SPATS2: variants seen among roughly 807,000 people sequenced by gnomAD.
SPATS2 encodes spermatogenesis-associated serine-rich protein 2.
Under a neutral mutation model 63.7 loss-of-function variants are expected in SPATS2, and 38 were observed. That is an observed-to-expected ratio of 0.60 (90% CI 0.46 to 0.78). The LOEUF (loss-of-function observed/expected upper bound fraction) is 0.78, where lower values mean the gene tolerates loss of function less well. SPATS2 is among the 30% of genes least tolerant of loss of function. SPATS2 has a pLI of 0.00. For synonymous variants in SPATS2, 207 were observed against 232.9 expected (o/e 0.89, Z 1.01); for missense variants, 588 against 666.2 (o/e 0.88, Z 1.29).
In SPATS2 at chr12:49,495,078, A is replaced by G. The variant is rs554486715; in HGVS notation, c.526+76A>G. On this transcript the variant is annotated intron_variant, in intron 7 of 13. Transcript: ENST00000552918. ...GTTCTCCTCGTTGAGAAAGTGATCAATTAAATCTAGTTAGTCTTTTTTTAT... is the reference window on the plus strand; with the variant it reads ...GTTCTCCTCGTTGAGAAAGTGATCAGTTAAATCTAGTTAGTCTTTTTTTAT... The G allele has an allele frequency of 2.5e-5, 35 of 1,396,254 alleles. No individual in the cohort carries two copies. The African/African-American group carries it at 3.4e-4, about 13-fold the overall frequency. The allele number at this position is 1,396,254 out of a possible 1,614,324, so 86.5% of individuals were successfully genotyped here.
At chr12:49,448,143 T>TC (rs200026114) in intron 2 of SPATS2, among the ~76,000 whole-genome samples, 6 of 149,056 alleles carry the variant, frequency 4.0e-5, no homozygotes, top group African/African-American at 9.7e-5. Context: ...TTTCTTTCTT[T>TC]TTTTTTTTTT....
At chr12:49,392,940 T>C (rs555082461) in intron 2 of SPATS2, among the ~76,000 whole-genome samples, 4 of 152,080 alleles carry the variant, frequency 2.6e-5, no homozygotes, top group Admixed American at 2.6e-4. Flanking sequence ...TAATCCCAGC[T>C]ACTTGGGAGG....
chr12:49,514,557 TAATGG>T lies in SPATS2; in HGVS notation c.844_848del (p.Met282SerfsTer8). 6.2e-7 allele frequency: 1 copy of T among 1,613,096 alleles called. No homozygotes were observed. Among genetic ancestry groups the T allele is most frequent in the Non-Finnish European group, 8.5e-7 (1 of 1,179,566 alleles). On this transcript the variant is annotated frameshift_variant, in exon 10 of 14. Transcript: ENST00000552918. LOFTEE classifies it high-confidence loss of function. ...ATTCCTTTGTCATCTTTTCCTAGTT[TAATGG>T]ATCGAGAAGTGGCGTTGCTTGCTGA...
intron 2 of SPATS2, among the ~76,000 whole-genome samples, chr12:49,409,404 C>T (rs771802803): frequency 3.0e-4 from 46 of 151,954 alleles, no homozygotes; most frequent in Admixed American, 9.8e-4. Flanking sequence ...CTCCCGGGTT[C>T]ACGCCATTCT....
rs1555193493 is a variant in SPATS2 at position 49,516,204 on chromosome 12, T to TAA, written c.898+1592_898+1593insAA. On this transcript the variant is annotated intron_variant, in intron 10 of 13. Transcript: ENST00000552918. ...ATATATATATATATATATATATATA[T>TAA]ATATAAATCAGGCATGGGGTCATGT... is the stretch of plus-strand genomic sequence containing the variant. Among the ~76,000 whole-genome samples, 490 of 70,684 alleles carry TAA rather than the reference T, an allele frequency of 6.9e-3. 29 individuals carry two copies. The highest frequency in any genetic ancestry group is 0.011 in the African/African-American group (204 of 19,006). The allele number at this position is 70,684 out of a possible 152,430, so 46.4% of individuals were successfully genotyped here.
At chr12:49,413,028 C>T (rs1336805192) in intron 2 of SPATS2, among the ~76,000 whole-genome samples, 1 of 152,028 alleles carries the variant, frequency 6.6e-6, no homozygotes, top group Non-Finnish European at 1.5e-5. Context: ...GTTTGAACTT[C>T]CCGAGTCTCA....
intron 3 of SPATS2, among the ~76,000 whole-genome samples, chr12:49,466,745 AT>A (rs1945923196): frequency 6.6e-6 from 1 of 152,176 alleles, no homozygotes; most frequent in Non-Finnish European, 1.5e-5. Flanking sequence ...TCCTCCAATG[AT>A]TTTCCCCACA....
chr12:49,368,226 TTCTC>T (rs1943937373), intron 1 of SPATS2, among the ~76,000 whole-genome samples: 1 of 152,226 alleles, frequency 6.6e-6, no homozygotes, highest in African/African-American at 2.4e-5. Flanking sequence ...AAGTGGATCT[TTCTC>T]AAGCTTGTCC....
At chr12:49,373,289 T>A (rs908955834) in intron 2 of SPATS2, among the ~76,000 whole-genome samples, 1 of 152,152 alleles carries the variant, frequency 6.6e-6, no homozygotes, top group African/African-American at 2.4e-5. Context: ...TTGCATTTTC[T>A]AAATGTTACA....
At chr12:49,435,664 TA>T (rs1168755293) in intron 2 of SPATS2, among the ~76,000 whole-genome samples, 10 of 141,212 alleles carry the variant, frequency 7.1e-5, no homozygotes, top group Admixed American at 4.9e-4. Context: ...TTTTTTTTTT[TA>T]ATTGATCATT....
At chr12:49,382,472 T>C (rs933962097) in intron 2 of SPATS2, among the ~76,000 whole-genome samples, 1 of 152,218 alleles carries the variant, frequency 6.6e-6, no homozygotes, top group African/African-American at 2.4e-5. Flanking sequence ...TCTTATCTTT[T>C]ACTTCAGGGT....
chr12:49,431,829 T>G (rs1459993309), intron 2 of SPATS2, among the ~76,000 whole-genome samples: 6 of 151,832 alleles, frequency 4.0e-5, no homozygotes, highest in Non-Finnish European at 7.4e-5. Context: ...GCTCAGCAGT[T>G]TGAGACCAGC....
At chr12:49,487,685 C>T (rs910714118) in intron 4 of SPATS2, among the ~76,000 whole-genome samples, 3 of 152,140 alleles carry the variant, frequency 2.0e-5, no homozygotes, top group African/African-American at 7.2e-5. Context: ...GCAGCCTCAA[C>T]CTCCCAGGCT....
chr12:49,448,805 CTGT>C lies in SPATS2; in HGVS notation c.-243-11956_-243-11954del, dbSNP rs1262410542. On this transcript the variant is annotated intron_variant, in intron 2 of 13. Transcript: ENST00000552918. ...CTCTGCTCTTCATTTTTATTGAATT[CTGT>C]TGTTGTTGGAGAACCTACTTTGTAT... Among the ~76,000 whole-genome samples the C allele has an allele frequency of 6.0e-5, 9 of 149,730 alleles. No individual in the cohort carries two copies. The East Asian group carries it at 7.9e-4, about 13-fold the overall frequency.
intron 2 of SPATS2, among the ~76,000 whole-genome samples, chr12:49,446,158 C>A (rs1333489377): frequency 6.6e-6 from 1 of 152,186 alleles, no homozygotes; most frequent in Non-Finnish European, 1.5e-5. Flanking sequence ...CCCGCCTTGA[C>A]CTCCCAAAGT....
intron 9 of SPATS2, among the ~76,000 whole-genome samples, chr12:49,513,208 AGAGT>A (rs755541064): frequency 4.9e-4 from 70 of 143,558 alleles, no homozygotes; most frequent in African/African-American, 1.9e-3. Context: ...CGAGAGAGAA[AGAGT>A]GTGTGTGTGT....
At chr12:49,401,650 A>T (rs1305912962) in intron 2 of SPATS2, among the ~76,000 whole-genome samples, 2 of 152,146 alleles carry the variant, frequency 1.3e-5, no homozygotes, top group Admixed American at 1.3e-4. Context: ...GATATCAAAT[A>T]TCCTGTCAGT....
At chr12:49,380,873 T>C (rs971082362) in intron 2 of SPATS2, among the ~76,000 whole-genome samples, 1 of 151,726 alleles carries the variant, frequency 6.6e-6, no homozygotes, top group African/African-American at 2.4e-5. Context: ...CTGGGTCATA[T>C]AGTAATTCTT....
intron 2 of SPATS2, among the ~76,000 whole-genome samples, chr12:49,452,121 G>T (rs1442513948): frequency 1.3e-5 from 2 of 151,980 alleles, no homozygotes; most frequent in Non-Finnish European, 2.9e-5. Flanking sequence ...AATTCATTGA[G>T]CTTCCTGACT....
Sources: gnomAD v4.1 joint callset for allele counts (sites outside exome capture counted in the v4.1 genomes callset) on GRCh38, gnomAD v4.1.1 for gene constraint, MANE v1.5 for transcripts, NCBI Gene and HGNC (gene_info 2026-07-23, HGNC 2026-07-21) for gene names.